Variants in SPECC1 observed in about 807,000 individuals in gnomAD.
The protein encoded by SPECC1 is sperm antigen with calponin homology and coiled-coil domains 1.
In SPECC1, 62 loss-of-function variants were observed where a neutral mutation model predicts 104.1. The observed-to-expected ratio is 0.60, with a 90% CI of 0.49 to 0.74. SPECC1 has a LOEUF of 0.74. SPECC1 is among the 30% of genes least tolerant of loss of function. SPECC1 has a pLI of 0.00. For synonymous variants in SPECC1, 513 were observed against 501.6 expected (o/e 1.02, Z -0.30); for missense variants, 1,306 against 1,310.5 (o/e 1.00, Z 0.05).
intron 3 of SPECC1, among the ~76,000 whole-genome samples, chr17:20,166,988 G>GT (rs2033704357): frequency 6.6e-6 from 1 of 151,946 alleles, no homozygotes; most frequent in Non-Finnish European, 1.5e-5. Context: ...GGCACTGCTT[G>GT]TAGTCCCAGC....
intron 3 of SPECC1, among the ~76,000 whole-genome samples, chr17:20,164,976 A>G (rs1052091909): frequency 6.6e-6 from 1 of 152,136 alleles, no homozygotes; most frequent in Non-Finnish European, 1.5e-5. Flanking sequence ...GTTTTTTTAT[A>G]CTTTCTGTCT....
At chr17:20,294,073 C>A (rs989812665) in intron 12 of SPECC1, among the ~76,000 whole-genome samples, 21 of 152,170 alleles carry the variant, frequency 1.4e-4, no homozygotes, top group Admixed American at 7.9e-4. Flanking sequence ...CCTCTGCCTT[C>A]CAGGTTCAAG....
chr17:20,065,959 G>C (rs76598003), intron 1 of SPECC1, among the ~76,000 whole-genome samples: 6,801 of 152,238 alleles, frequency 0.045, 171 homozygotes, highest in Middle Eastern at 0.061. Context: ...CATAGTCCTT[G>C]TTATAATTTG....
At chr17:20,169,435 A>G (rs536277717) in intron 3 of SPECC1, among the ~76,000 whole-genome samples, 24 of 151,690 alleles carry the variant, frequency 1.6e-4, no homozygotes, top group Non-Finnish European at 2.9e-4. Context: ...ACACAGATCT[A>G]TTTTTCTTTT....
At chr17:20,102,843 T>C (rs2152513125) in intron 2 of SPECC1, among the ~76,000 whole-genome samples, 1 of 152,312 alleles carries the variant, frequency 6.6e-6, no homozygotes, top group East Asian at 1.9e-4. Flanking sequence ...GTAAAAACAA[T>C]AATGATGATT....
chr17:20,233,190 G>T (rs1045086942), intron 7 of SPECC1, among the ~76,000 whole-genome samples: 2 of 152,176 alleles, frequency 1.3e-5, no homozygotes, highest in East Asian at 1.9e-4. Flanking sequence ...ATTAGGAAAT[G>T]ATTTTGAATT....
At chr17:20,086,934 T>G in intron 1 of SPECC1, 1 of 152,226 alleles carries the variant, frequency 6.6e-6, no homozygotes, top group East Asian at 1.9e-4. Flanking sequence ...AGAACTGGCC[T>G]GCCTGTTGCC....
chr17:20,278,154 G>A (rs2040637445), intron 12 of SPECC1, among the ~76,000 whole-genome samples: 1 of 152,050 alleles, frequency 6.6e-6, no homozygotes, highest in Non-Finnish European at 1.5e-5. Context: ...TTTCTCAGAG[G>A]TATGGAACAT....
chr17:20,107,455 CTTTTTTCTTTTT>C (rs899318971), intron 2 of SPECC1, among the ~76,000 whole-genome samples: 7 of 145,748 alleles, frequency 4.8e-5, no homozygotes, highest in African/African-American at 1.3e-4. Flanking sequence ...CTTTTCTTTT[CTTTTTTCTTTTT>C]TTTTTTTTTT....
chr17:20,106,506 A>G (rs1173190285), intron 2 of SPECC1, among the ~76,000 whole-genome samples: 3 of 152,116 alleles, frequency 2.0e-5, no homozygotes, highest in African/African-American at 7.2e-5. Flanking sequence ...ACCAAAATTC[A>G]TGTTGAATTT....
At chr17:20,273,330 T>C (rs543041754) in intron 12 of SPECC1, among the ~76,000 whole-genome samples, 1 of 152,016 alleles carries the variant, frequency 6.6e-6, no homozygotes, top group African/African-American at 2.4e-5. Context: ...CTAAAAACAT[T>C]AGTGGGGCAT....
chr17:20,153,079 G>T (rs181121693), intron 3 of SPECC1, among the ~76,000 whole-genome samples: 16 of 152,262 alleles, frequency 1.1e-4, no homozygotes, highest in Admixed American at 8.5e-4. Flanking sequence ...CACATTGTGG[G>T]GGGTAGGGCT....
At chr17:20,041,303 C>T (rs995122005) in intron 1 of SPECC1, among the ~76,000 whole-genome samples, 8 of 151,148 alleles carry the variant, frequency 5.3e-5, no homozygotes, top group Non-Finnish European at 5.9e-5. Context: ...TGTGCAATGG[C>T]GGGATCTCGG....
chr17:20,053,197 T>C (rs2045839065), intron 1 of SPECC1, among the ~76,000 whole-genome samples: 2 of 152,236 alleles, frequency 1.3e-5, no homozygotes, highest in Non-Finnish European at 2.9e-5. Context: ...AACTCAATAG[T>C]TAAAGTTCCT....
intron 3 of SPECC1, among the ~76,000 whole-genome samples, chr17:20,113,828 G>T (rs1412292258): frequency 6.6e-6 from 1 of 152,148 alleles, no homozygotes. Context: ...CATACAATCA[G>T]CACAAGCATA....
intron 1 of SPECC1, among the ~76,000 whole-genome samples, chr17:20,058,706 T>G (rs984263908): frequency 6.6e-6 from 1 of 152,014 alleles, no homozygotes; most frequent in Non-Finnish European, 1.5e-5. Context: ...GATTAGATTA[T>G]TTAGATTAGC....
At chr17:20,076,624 A>G (rs561967359) in intron 1 of SPECC1, among the ~76,000 whole-genome samples, 1 of 152,326 alleles carries the variant, frequency 6.6e-6, no homozygotes, top group Non-Finnish European at 1.5e-5. Context: ...TATTATAAGT[A>G]ATAGATTAGT....
intron 5 of SPECC1, among the ~76,000 whole-genome samples, chr17:20,228,653 G>A (rs1389423381): frequency 6.6e-6 from 1 of 152,266 alleles, no homozygotes; most frequent in East Asian, 1.9e-4. Context: ...AACAATTCCC[G>A]CATGTGTCCC....
chr17:20,281,545 G>A (rs1156400560), intron 12 of SPECC1, among the ~76,000 whole-genome samples: 2 of 152,170 alleles, frequency 1.3e-5, no homozygotes, highest in Non-Finnish European at 2.9e-5. Context: ...CAGCCTCGAG[G>A]GCTGAACCGC....
Sources: gnomAD v4.1 joint callset for allele counts (sites outside exome capture counted in the v4.1 genomes callset) on GRCh38, gnomAD v4.1.1 for gene constraint, MANE v1.5 for transcripts, NCBI Gene and HGNC (gene_info 2026-07-23, HGNC 2026-07-21) for gene names.